Variants in MTUS2 observed in about 807,000 individuals in gnomAD.
MTUS2 encodes the protein microtubule-associated tumor suppressor candidate 2.
MTUS2 carries 40 observed loss-of-function variants against 114.1 expected under a neutral mutation model. That is an observed-to-expected ratio of 0.35 (90% CI 0.27 to 0.46). The LOEUF is 0.46. Ranked by LOEUF, MTUS2 falls within the 20% of genes least tolerant of loss-of-function variation. The probability of loss-of-function intolerance (pLI) is 1.00; values close to 1 mark genes in which losing one functional copy is unlikely to be tolerated. For synonymous variants in MTUS2, 688 were observed against 672.0 expected (o/e 1.02, Z -0.37); for missense variants, 1,679 against 1,705.4 (o/e 0.98, Z 0.27).
At chr13:29,155,506 G>GGGAAGAGCAGGGTGGAGA (rs1892822364) in intron 5 of MTUS2, among the ~76,000 whole-genome samples, 1 of 152,176 alleles carries the variant, frequency 6.6e-6, no homozygotes, top group Non-Finnish European at 1.5e-5. Flanking sequence ...ATGCCCTCAT[G>GGGAAGAGCAGGGTGGAGA]GGAAGAGCAG....
chr13:29,002,273 A>C (rs1420190099), intron 2 of MTUS2, among the ~76,000 whole-genome samples: 1 of 152,176 alleles, frequency 6.6e-6, no homozygotes, highest in East Asian at 1.9e-4. Context: ...TTCTTTTGGC[A>C]GCCTCAGCTG....
chr13:29,285,583 C>A (rs923413761), intron 6 of MTUS2, among the ~76,000 whole-genome samples: 5 of 152,096 alleles, frequency 3.3e-5, no homozygotes, highest in Admixed American at 2.6e-4. Context: ...ACTAGAAGTA[C>A]AAAGGAATGC....
At chr13:29,123,196 A>T (rs1891383061) in intron 5 of MTUS2, among the ~76,000 whole-genome samples, 2 of 152,138 alleles carry the variant, frequency 1.3e-5, no homozygotes, top group African/African-American at 4.8e-5. Context: ...TCTAAATAGT[A>T]TCCCTTTTGC....
chr13:29,498,653 C>T, intron 14 of MTUS2, 116 bp downstream of exon 14: 1 of 1,376,150 alleles, frequency 7.3e-7, no homozygotes, highest in Non-Finnish European at 9.9e-7. Flanking sequence ...ATTGCTTACA[C>T]CCAAGCAGAA....
intron 7 of MTUS2, among the ~76,000 whole-genome samples, chr13:29,344,455 T>C (rs533426335): frequency 1.3e-5 from 2 of 152,286 alleles, no homozygotes; most frequent in East Asian, 1.9e-4. Flanking sequence ...TTGTCTGATA[T>C]AACAATAGCT....
At chr13:29,234,160 A>C (rs1364245321) in intron 5 of MTUS2, among the ~76,000 whole-genome samples, 2 of 152,166 alleles carry the variant, frequency 1.3e-5, no homozygotes, top group Non-Finnish European at 2.9e-5. Flanking sequence ...ACAGTTAAAA[A>C]ACATAAACAC....
chr13:29,375,995 A>G (rs1170810383), intron 8 of MTUS2, among the ~76,000 whole-genome samples: 2 of 10,644 alleles, frequency 1.9e-4, no homozygotes, highest in Non-Finnish European at 2.1e-3. Context: ...CTATTTAAAC[A>G]TATATGTGTG....
At chr13:28,943,341 G>A (rs1241926815) in intron 2 of MTUS2, among the ~76,000 whole-genome samples, 1 of 152,152 alleles carries the variant, frequency 6.6e-6, no homozygotes, top group Non-Finnish European at 1.5e-5. Flanking sequence ...GGTGATACCA[G>A]GAAAAATAAG....
chr13:29,327,713 G>C (rs1477062686), intron 7 of MTUS2, among the ~76,000 whole-genome samples: 1 of 151,920 alleles, frequency 6.6e-6, no homozygotes, highest in Non-Finnish European at 1.5e-5. Context: ...ACAAATCTTG[G>C]TATGAACATC....
intron 2 of MTUS2, among the ~76,000 whole-genome samples, chr13:28,992,075 G>T (rs182750219): frequency 2.0e-4 from 30 of 152,236 alleles, no homozygotes; most frequent in African/African-American, 7.2e-4. Flanking sequence ...AATTTACTTT[G>T]GGGGACTCTC....
At chr13:29,338,639 G>A (rs906285211) in intron 7 of MTUS2, among the ~76,000 whole-genome samples, 1 of 152,014 alleles carries the variant, frequency 6.6e-6, no homozygotes, top group African/African-American at 2.4e-5. Flanking sequence ...CAAAAATGTA[G>A]GTTTTACATT....
intron 5 of MTUS2, among the ~76,000 whole-genome samples, chr13:29,113,971 C>T (rs1381891052): frequency 3.9e-5 from 6 of 152,188 alleles, no homozygotes; most frequent in Middle Eastern, 6.8e-3. Flanking sequence ...TGAGTTCCCC[C>T]GAGGTCTGGT....
intron 9 of MTUS2, among the ~76,000 whole-genome samples, chr13:29,470,478 C>T (rs1880204685): frequency 6.6e-6 from 1 of 152,160 alleles, no homozygotes; most frequent in African/African-American, 2.4e-5. Context: ...CAATCCATTC[C>T]TCCCCATGCA....
At chr13:29,178,216 T>G (rs1443094925) in intron 5 of MTUS2, among the ~76,000 whole-genome samples, 1 of 152,196 alleles carries the variant, frequency 6.6e-6, no homozygotes, top group Admixed American at 6.5e-5. Context: ...ATTTAAAGTT[T>G]AAAATTGTTT....
intron 5 of MTUS2, among the ~76,000 whole-genome samples, chr13:29,252,483 T>G (rs1897155229): frequency 6.6e-6 from 1 of 152,158 alleles, no homozygotes; most frequent in Non-Finnish European, 1.5e-5. Context: ...ATTGCATGTT[T>G]AGAAAATGTA....
At chr13:29,361,571 A>G (rs977041531) in intron 8 of MTUS2, among the ~76,000 whole-genome samples, 33 of 152,138 alleles carry the variant, frequency 2.2e-4, no homozygotes, top group African/African-American at 7.7e-4. Context: ...TGCTAGTAAT[A>G]CTGAATTAGA....
chr13:29,400,134 A>G (rs1041811665), intron 8 of MTUS2, among the ~76,000 whole-genome samples: 32 of 152,358 alleles, frequency 2.1e-4, no homozygotes, highest in Non-Finnish European at 2.4e-4. Context: ...CCAGCTTTCA[A>G]AAATCAAGAG....
intron 2 of MTUS2, among the ~76,000 whole-genome samples, chr13:28,960,010 G>GA (rs1459022298): frequency 6.6e-6 from 1 of 152,104 alleles, no homozygotes. Flanking sequence ...CAAAAACCAG[G>GA]AAAATCTCAA....
intron 6 of MTUS2, among the ~76,000 whole-genome samples, chr13:29,310,108 C>T (rs528402028): frequency 1.4e-4 from 22 of 152,246 alleles, no homozygotes; most frequent in Middle Eastern, 6.8e-3. Flanking sequence ...TCATTCTGTT[C>T]TCTATCTCCA....
Sources: gnomAD v4.1 joint callset for allele counts (sites outside exome capture counted in the v4.1 genomes callset) on GRCh38, gnomAD v4.1.1 for gene constraint, MANE v1.5 for transcripts, NCBI Gene and HGNC (gene_info 2026-07-23, HGNC 2026-07-21) for gene names.